Variants in PPP2R5E observed in about 807,000 individuals in gnomAD.
The protein encoded by PPP2R5E is protein phosphatase 2 regulatory subunit B'epsilon, also known as serine/threonine-protein phosphatase 2A 56 kDa regulatory subunit epsilon isoform.
Under a neutral mutation model 65.3 loss-of-function variants are expected in PPP2R5E, and 4 were observed. The observed-to-expected ratio is 0.06, with a 90% CI of 0.03 to 0.14. The LOEUF (loss-of-function observed/expected upper bound fraction) is 0.14, where lower values mean the gene tolerates loss of function less well. Among genes scored for constraint, PPP2R5E ranks in the 10% least tolerant of loss-of-function variants. The pLI, the probability that PPP2R5E is intolerant of heterozygous loss-of-function variation, is 1.00. For missense variants in PPP2R5E, 274 were observed against 556.1 expected, an observed-to-expected ratio of 0.49 and a Z score of 5.10; for synonymous variants, 183 against 187.4, an observed-to-expected ratio of 0.98 and a Z score of 0.19.
rs35739225 is a variant in PPP2R5E, at chr14:63,496,887, TA to T, written c.157+42641del. Reference sequence around the variant, plus strand: ...AACTATTTTATCTGGGTACACAGTTTAAAAAAAAAAAAAGGTAGTTTTCCAA... The same window carrying T: ...AACTATTTTATCTGGGTACACAGTTTAAAAAAAAAAAAGGTAGTTTTCCAA... On this transcript the variant is annotated intron_variant, in intron 2 of 13. Transcript: ENST00000337537. 3.2e-3 allele frequency among the ~76,000 whole-genome samples: 461 copies of T among 143,914 alleles called. 2 individuals carry two copies. The highest frequency in any genetic ancestry group is 7.8e-3 in the East Asian group (39 of 5,026). The allele number at this position is 143,914 out of a possible 152,430, so 94.4% of individuals were successfully genotyped here.
intron 5 of PPP2R5E, among the ~76,000 whole-genome samples, chr14:63,398,743 T>A (rs896220215): frequency 6.6e-6 from 1 of 152,050 alleles, no homozygotes; most frequent in African/African-American, 2.4e-5. Flanking sequence ...TGAGCCGAGA[T>A]CGCGCTGCTG....
At chr14:63,464,376 G>A (rs1247856471) in intron 2 of PPP2R5E, among the ~76,000 whole-genome samples, 7 of 152,172 alleles carry the variant, frequency 4.6e-5, no homozygotes, top group Admixed American at 1.3e-4. Context: ...GATGACATTT[G>A]AGCAAATACT....
rs78524333 is a variant in PPP2R5E at position 63,519,666 on chromosome 14, C to G, written c.157+19863G>C. Among the ~76,000 whole-genome samples, 1,020 of 149,084 alleles carry G rather than the reference C, an allele frequency of 6.8e-3. 62 individuals are homozygous for G. In the East Asian group the frequency reaches 0.14, roughly 21 times the overall value. The stretch of plus-strand genomic sequence containing the variant: ...ACCGTGCCTGGCCTAAGGACAAACT[C>G]TCTTTTTTTTTTTTTGAGACAGAGT... On this transcript the variant is annotated intron_variant, in intron 2 of 13. Coordinates refer to ENST00000337537, the MANE Select transcript of PPP2R5E (RefSeq NM_006246.5).
At chr14:63,506,793 G>A (rs1023946212) in intron 2 of PPP2R5E, among the ~76,000 whole-genome samples, 2 of 152,096 alleles carry the variant, frequency 1.3e-5, no homozygotes, top group Non-Finnish European at 2.9e-5. Context: ...CCACTCCCAG[G>A]TATAATATTT....
chr14:63,420,912 G>T lies in PPP2R5E; in HGVS notation c.456+1081C>A, dbSNP rs990394252. On this transcript the variant is annotated intron_variant, in intron 4 of 13. Transcript: ENST00000337537. ...CTAAAAATACAAAAAAATTAGCCGG[G>T]CGTAGTGGCGGGCGCCTGTAGTCCC... 2.3e-5 allele frequency among the ~76,000 whole-genome samples: 3 copies of T among 130,332 alleles called. 1 individual carries two copies. Among genetic ancestry groups the T allele is most frequent in the African/African-American group, 1.0e-4 (3 of 29,668 alleles). The allele number at this position is 130,332 out of a possible 152,430, so 85.5% of individuals were successfully genotyped here. A position where few individuals can be genotyped will look rare whatever the true frequency, so the allele number is the denominator to read the frequency against.
At position 63,396,579 on chromosome 14, in the gene PPP2R5E, CA is replaced by C; in HGVS notation, c.680+6del. 1 of 1,611,574 alleles carries C rather than the reference CA, an allele frequency of 6.2e-7. No individual in the cohort carries two copies. ...TTCTCCTTCTTCCCCCATCACACTC[CA>C]CTTACCTTAGAAAAATATTGTTAAT... On this transcript the variant is annotated splice_donor_region_variant and intron_variant, in intron 6 of 13. Coordinates refer to ENST00000337537, the MANE Select transcript of PPP2R5E (RefSeq NM_006246.5).
chr14:63,516,511 C>T (rs1054509218), intron 2 of PPP2R5E, among the ~76,000 whole-genome samples: 3 of 152,228 alleles, frequency 2.0e-5, no homozygotes, highest in African/African-American at 7.2e-5. Context: ...GATACTTTCA[C>T]AAAACTCCTA....
At chr14:63,512,575 T>A (rs886137181) in intron 2 of PPP2R5E, among the ~76,000 whole-genome samples, 2 of 152,148 alleles carry the variant, frequency 1.3e-5, no homozygotes, top group African/African-American at 4.8e-5. Context: ...TTTTAATTAA[T>A]TTTTTTAATG....
chr14:63,528,203 A>T (rs1893260114), intron 2 of PPP2R5E, among the ~76,000 whole-genome samples: 2 of 152,216 alleles, frequency 1.3e-5, no homozygotes, highest in African/African-American at 4.8e-5. Context: ...TTTTTCAAGC[A>T]CTACAAAATC....
intron 2 of PPP2R5E, among the ~76,000 whole-genome samples, chr14:63,478,209 C>A (rs1185462241): frequency 6.6e-6 from 1 of 152,154 alleles, no homozygotes; most frequent in East Asian, 1.9e-4. Context: ...TGGTCCTCTG[C>A]AACCTAACAT....
At chr14:63,402,085 C>T (rs1345360900) in intron 5 of PPP2R5E, among the ~76,000 whole-genome samples, 4 of 152,122 alleles carry the variant, frequency 2.6e-5, no homozygotes. Context: ...AAGTAAAGCA[C>T]TTATTGGAAA....
intron 5 of PPP2R5E, among the ~76,000 whole-genome samples, chr14:63,399,567 G>T (rs1228424565): frequency 6.6e-6 from 1 of 151,642 alleles, no homozygotes; most frequent in Non-Finnish European, 1.5e-5. Context: ...GGTGATGGTT[G>T]CATGACTCTG....
intron 3 of PPP2R5E, among the ~76,000 whole-genome samples, chr14:63,437,694 T>A (rs1161499813): frequency 1.3e-5 from 2 of 152,142 alleles, no homozygotes; most frequent in Non-Finnish European, 2.9e-5. Context: ...CCACAGTATT[T>A]CAAAGTAGCC....
At chr14:63,454,702 T>C (rs1027870671) in intron 2 of PPP2R5E, among the ~76,000 whole-genome samples, 22 of 152,196 alleles carry the variant, frequency 1.4e-4, no homozygotes, top group South Asian at 2.1e-4. Context: ...TGATCTACAG[T>C]TGGACTTCAA....
chr14:63,458,470 G>A (rs904665270), intron 2 of PPP2R5E, among the ~76,000 whole-genome samples: 2 of 152,096 alleles, frequency 1.3e-5, no homozygotes, highest in African/African-American at 4.8e-5. Context: ...TCTTGAGTTT[G>A]GTACTCTGGG....
At chr14:63,451,127 A>G (rs1888802721) in intron 3 of PPP2R5E, 1 of 152,202 alleles carries the variant, frequency 6.6e-6, no homozygotes, top group Non-Finnish European at 1.5e-5. Flanking sequence ...CTCGTTACTT[A>G]TAACAAGTAA....
At chr14:63,402,119 C>T (rs1014076354) in intron 5 of PPP2R5E, among the ~76,000 whole-genome samples, 1 of 152,224 alleles carries the variant, frequency 6.6e-6, no homozygotes, top group African/African-American at 2.4e-5. Context: ...TAAAACTCTG[C>T]ATACCTAAAA....
chr14:63,454,828 T>C (rs1032617779), intron 2 of PPP2R5E, among the ~76,000 whole-genome samples: 3 of 152,360 alleles, frequency 2.0e-5, no homozygotes, highest in Admixed American at 2.0e-4. Flanking sequence ...GGGTAGGCTC[T>C]ACTGCCTTCA....
intron 3 of PPP2R5E, among the ~76,000 whole-genome samples, chr14:63,442,373 A>G (rs944935278): frequency 5.3e-5 from 8 of 151,858 alleles, no homozygotes; most frequent in Admixed American, 2.0e-4. Flanking sequence ...TAAACAGTCC[A>G]CCCTCACCCA....
Sources: gnomAD v4.1 joint callset for allele counts (sites outside exome capture counted in the v4.1 genomes callset) on GRCh38, gnomAD v4.1.1 for gene constraint, MANE v1.5 for transcripts, NCBI Gene and HGNC (gene_info 2026-07-23, HGNC 2026-07-21) for gene names.